The following CERS6 variants were observed in gnomAD, a reference collection of about 807,000 sequenced individuals.
CERS6 encodes ceramide synthase 6, also known as LAG1 homolog, ceramide synthase 6.
A neutral mutation model predicts 56.8 loss-of-function variants in CERS6; 26 were observed. That is an observed-to-expected ratio of 0.46 (90% confidence interval 0.34 to 0.63). The LOEUF (loss-of-function observed/expected upper bound fraction) is 0.63. Ranked by LOEUF, CERS6 falls within the 30% of genes least tolerant of loss-of-function variation. The pLI, the probability that CERS6 is intolerant of heterozygous loss-of-function variation, is 0.01. For synonymous variants in CERS6, 164 were observed against 173.3 expected, an observed-to-expected ratio of 0.95 and a Z score of 0.42; for missense variants, 415 against 467.5, an observed-to-expected ratio of 0.89 and a Z score of 1.04.
chr2:168,555,901 A>G (rs1695670198), intron 2 of CERS6, among the ~76,000 whole-genome samples: 1 of 152,036 alleles, frequency 6.6e-6, no homozygotes, highest in African/African-American at 2.4e-5. Context: ...TGCCCAGGTG[A>G]TTAGCATTTT....
intron 3 of CERS6, among the ~76,000 whole-genome samples, chr2:168,582,714 A>G (rs1251860782): frequency 6.6e-6 from 1 of 152,192 alleles, no homozygotes; most frequent in Non-Finnish European, 1.5e-5. Context: ...GGTCAGTTTG[A>G]CCTTGTGTCC....
chr2:168,600,391 A>G (rs1462364696), intron 3 of CERS6, among the ~76,000 whole-genome samples: 1 of 152,014 alleles, frequency 6.6e-6, no homozygotes, highest in Non-Finnish European at 1.5e-5. Flanking sequence ...TTTTTAGTAG[A>G]GACGGGGTTT....
intron 3 of CERS6, among the ~76,000 whole-genome samples, chr2:168,570,983 T>C (rs1695975145): frequency 6.6e-6 from 1 of 152,156 alleles, no homozygotes; most frequent in Non-Finnish European, 1.5e-5. Flanking sequence ...TTTAATATCT[T>C]ACAGGGAGCC....
chr2:168,465,963 A>T (rs181708009), intron 1 of CERS6, among the ~76,000 whole-genome samples: 1 of 152,008 alleles, frequency 6.6e-6, no homozygotes, highest in Non-Finnish European at 1.5e-5. Context: ...TTTTCTAGTT[A>T]GGAACAAACA....
chr2:168,676,102 T>C (rs1184614622), intron 4 of CERS6, among the ~76,000 whole-genome samples: 1 of 152,254 alleles, frequency 6.6e-6, no homozygotes, highest in African/African-American at 2.4e-5. Flanking sequence ...TGTTGTGATG[T>C]GTTGTTTTGG....
At chr2:168,668,641 A>G (rs1003793700) in intron 4 of CERS6, among the ~76,000 whole-genome samples, 7 of 151,868 alleles carry the variant, frequency 4.6e-5, no homozygotes, top group African/African-American at 1.7e-4. Flanking sequence ...TTTAGTAGAG[A>G]TGGGGTTTCA....
chr2:168,480,446 T>C (rs1202113593), intron 1 of CERS6, among the ~76,000 whole-genome samples: 1 of 152,162 alleles, frequency 6.6e-6, no homozygotes, highest in Non-Finnish European at 1.5e-5. Context: ...AACTTTGAAA[T>C]TATAAAACCT....
intron 4 of CERS6, among the ~76,000 whole-genome samples, chr2:168,690,222 T>C (rs970892417): frequency 1.3e-5 from 2 of 152,164 alleles, no homozygotes; most frequent in African/African-American, 4.8e-5. Flanking sequence ...CAAATGTATA[T>C]AGATGTATAT....
chr2:168,545,951 A>G (rs530583888), intron 1 of CERS6, among the ~76,000 whole-genome samples: 2 of 152,240 alleles, frequency 1.3e-5, no homozygotes, highest in African/African-American at 4.8e-5. Flanking sequence ...GAAAGAAACC[A>G]TTGGAACAGT....
At chr2:168,468,392 G>A (rs987352160) in intron 1 of CERS6, among the ~76,000 whole-genome samples, 4 of 152,208 alleles carry the variant, frequency 2.6e-5, no homozygotes, top group African/African-American at 9.7e-5. Flanking sequence ...CATCAAGTTT[G>A]GCATTTATAT....
chr2:168,672,138 A>G (rs1336844581), intron 4 of CERS6, among the ~76,000 whole-genome samples: 1 of 152,222 alleles, frequency 6.6e-6, no homozygotes, highest in Non-Finnish European at 1.5e-5. Context: ...CCTCATGGAT[A>G]CATTCTGAAT....
At position 168,611,908 on chromosome 2, in the gene CERS6, A is replaced by C. The variant is rs187698490; in HGVS notation, c.408-19077A>C. ...CTACACTTGTGTCTTCTTCAAATCT[A>C]ATAGGAGATGTCTGTCCTAGAGTCA... On this transcript the variant is annotated intron_variant, in intron 3 of 9. Transcript: ENST00000305747. 2.8e-3 allele frequency among the ~76,000 whole-genome samples: 433 copies of C among 152,310 alleles called. 2 individuals are homozygous for C. The highest frequency in any genetic ancestry group is 4.8e-3 in the Non-Finnish European group (325 of 68,028).
chr2:168,531,616 G>GT (rs1295917868), intron 1 of CERS6, among the ~76,000 whole-genome samples: 1 of 152,158 alleles, frequency 6.6e-6, no homozygotes, highest in African/African-American at 2.4e-5. Context: ...GAGCTCAGGA[G>GT]TTTGAGACCA....
At chr2:168,471,958 C>A (rs919299924) in intron 1 of CERS6, among the ~76,000 whole-genome samples, 1 of 152,128 alleles carries the variant, frequency 6.6e-6, no homozygotes, top group Admixed American at 6.5e-5. Context: ...CAGTTCGAAT[C>A]TGTGGAGAGA....
At chr2:168,479,540 A>G (rs933949831) in intron 1 of CERS6, among the ~76,000 whole-genome samples, 3 of 152,230 alleles carry the variant, frequency 2.0e-5, no homozygotes, top group African/African-American at 4.8e-5. Context: ...TGCTTATGGT[A>G]TGGCAGGCAG....
chr2:168,462,927 A>G (rs2105318083), intron 1 of CERS6, among the ~76,000 whole-genome samples: 1 of 152,322 alleles, frequency 6.6e-6, no homozygotes. Flanking sequence ...GGTGCTTACC[A>G]TTTATTTTGT....
At chr2:168,555,377 A>G (rs1028930475) in intron 2 of CERS6, among the ~76,000 whole-genome samples, 26 of 152,094 alleles carry the variant, frequency 1.7e-4, no homozygotes, top group African/African-American at 6.0e-4. Flanking sequence ...GCTCATTGAA[A>G]ACTCATACAG....
chr2:168,641,917 T>A (rs1217272064), intron 4 of CERS6, among the ~76,000 whole-genome samples: 1 of 150,864 alleles, frequency 6.6e-6, no homozygotes, highest in African/African-American at 2.4e-5. Context: ...GCCACTTTGC[T>A]ATTTTGTAAT....
chr2:168,658,778 C>A (rs1374627971), intron 4 of CERS6, among the ~76,000 whole-genome samples: 1 of 152,184 alleles, frequency 6.6e-6, no homozygotes, highest in Non-Finnish European at 1.5e-5. Flanking sequence ...GTTCTTACAG[C>A]ACATTATGTG....
Sources: allele counts gnomAD v4.1 joint callset (sites outside exome capture counted in the v4.1 genomes callset), GRCh38; gene constraint gnomAD v4.1.1; transcripts MANE v1.5; gene names NCBI Gene and HGNC (gene_info 2026-07-23, HGNC 2026-07-21).